The following RBM33 variants were observed in gnomAD, a reference collection of about 807,000 sequenced individuals.
RBM33 encodes RNA-binding protein 33.
Under a neutral mutation model 132.6 loss-of-function variants are expected in RBM33, and 28 were observed. The observed-to-expected ratio is 0.21, with a 90% confidence interval of 0.16 to 0.29. The LOEUF (loss-of-function observed/expected upper bound fraction) is 0.29. Ranked by LOEUF, RBM33 falls within the 10% of genes least tolerant of loss-of-function variation. RBM33 has a pLI of 1.00. For missense variants in RBM33, 1,291 were observed against 1,518.5 expected, an observed-to-expected ratio of 0.85 and a Z score of 2.49; for synonymous variants, 634 against 593.0, an observed-to-expected ratio of 1.07 and a Z score of -1.01.
intron 5 of RBM33, among the ~76,000 whole-genome samples, chr7:155,686,609 C>T (rs1799485516): frequency 6.6e-6 from 1 of 151,946 alleles, no homozygotes; most frequent in Non-Finnish European, 1.5e-5. Context: ...AGGTATATCT[C>T]CTAATGCTGT....
intron 14 of RBM33, among the ~76,000 whole-genome samples, chr7:155,755,774 G>C (rs529689748): frequency 1.3e-5 from 2 of 152,126 alleles, no homozygotes; most frequent in African/African-American, 4.8e-5. Context: ...GCATTTAAAC[G>C]ATTTGTTATA....
In RBM33 at chr7:155,711,231, C is replaced by T. The variant is rs376251372; in HGVS notation, c.977C>T (p.Pro326Leu). 36 of 1,588,550 alleles carry T rather than the reference C, an allele frequency of 2.3e-5. No individual in the cohort carries two copies. Among genetic ancestry groups the T allele is most frequent in the Non-Finnish European group, 2.8e-5 (33 of 1,166,966 alleles). ...VPQAPPPPPP[P>L]PQQQPIRSLF... ...CAGGCTCCCCCTCCACCGCCACCGC[C>T]GCCTCAGCAGCAGCCGATCAGAAGC... Residue 326 changes from proline (P) to leucine (L), a missense_variant, in exon 8 of 18, where the codon CCG becomes CTG. By Grantham distance (98) the Pro-to-Leu change is moderately conservative. Around this residue, in one of 7 missense-constraint regions of RBM33, gnomAD observed 146 missense variants for 137.1 expected, o/e 1.07. Transcript: ENST00000401878.
chr7:155,716,316 G>GTTTTTTTTTTTTGTTTTTTTT (rs1800461404), intron 8 of RBM33, among the ~76,000 whole-genome samples: 1 of 102,384 alleles, frequency 9.8e-6, no homozygotes. Flanking sequence ...CTTTTCTGCT[G>GTTTTTTTTTTTTGTTTTTTTT]TTTTTTTTTT....
intron 6 of RBM33, among the ~76,000 whole-genome samples, chr7:155,705,144 T>C (rs1209959912): frequency 2.0e-5 from 3 of 152,236 alleles, no homozygotes; most frequent in Admixed American, 6.5e-5. Flanking sequence ...AATCTGGACA[T>C]AGTTCAGAAA....
chr7:155,711,415 C>A lies in RBM33; in HGVS notation c.1161C>A (p.Ile387=), dbSNP rs371251777. 1 of 1,524,246 alleles carries A rather than the reference C, an allele frequency of 6.6e-7. No individual in the cohort carries two copies. The allele number at this position is 1,524,246 out of a possible 1,614,324, so 94.4% of individuals were successfully genotyped here. A position where few individuals can be genotyped will look rare whatever the true frequency, so the allele number is the denominator to read the frequency against. ...CACAGCAGCCCAAGAACATACACAT[C>A]AACCCGCACTTCAAAGGGACGGTGG... is the stretch of plus-strand genomic sequence containing the variant. ...VTPQQPKNIH[I]NPHFKGTVVT... Residue 387 remains isoleucine, a synonymous_variant, in exon 8 of 18, where the codon ATC becomes ATA. Coordinates refer to ENST00000401878, the MANE Select transcript of RBM33 (RefSeq NM_053043.3).
chr7:155,652,886 A>G (rs1315059820), intron 1 of RBM33, among the ~76,000 whole-genome samples: 1 of 152,150 alleles, frequency 6.6e-6, no homozygotes, highest in Non-Finnish European at 1.5e-5. Context: ...ATTCTAAAGG[A>G]AAACAGAGGG....
At chr7:155,674,066 G>A (rs897685721) in intron 3 of RBM33, among the ~76,000 whole-genome samples, 4 of 148,862 alleles carry the variant, frequency 2.7e-5, no homozygotes, top group African/African-American at 5.0e-5. Flanking sequence ...TCATTAGCCT[G>A]CAGGTCGCCT....
intron 2 of RBM33, among the ~76,000 whole-genome samples, chr7:155,669,321 T>G (rs1170728346): frequency 6.6e-6 from 1 of 152,214 alleles, no homozygotes; most frequent in Admixed American, 6.5e-5. Flanking sequence ...ATGTCTCATG[T>G]GTCCAGGCAA....
chr7:155,729,464 C>G (rs530692004), intron 9 of RBM33, among the ~76,000 whole-genome samples: 2 of 152,252 alleles, frequency 1.3e-5, no homozygotes, highest in South Asian at 4.1e-4. Context: ...TGGCCAGATG[C>G]AGTGACTCAC....
At chr7:155,697,555 A>G (rs907706985) in intron 5 of RBM33, among the ~76,000 whole-genome samples, 6 of 150,460 alleles carry the variant, frequency 4.0e-5, no homozygotes, top group Non-Finnish European at 5.9e-5. Context: ...TCTCTTTTGC[A>G]CTCTCTCTCT....
intron 4 of RBM33, among the ~76,000 whole-genome samples, chr7:155,680,044 T>C (rs1421163759): frequency 6.6e-6 from 1 of 152,238 alleles, no homozygotes; most frequent in East Asian, 1.9e-4. Flanking sequence ...CACTGAAATG[T>C]ATTTTCACAC....
chr7:155,733,415 G>C (rs1015345799), intron 9 of RBM33, among the ~76,000 whole-genome samples: 3 of 89,298 alleles, frequency 3.4e-5, no homozygotes, highest in African/African-American at 1.6e-4. Flanking sequence ...TCCCTGATGT[G>C]GTTGAGTGAA....
At chr7:155,671,215 A>G (rs1043926423) in intron 2 of RBM33, among the ~76,000 whole-genome samples, 4 of 152,230 alleles carry the variant, frequency 2.6e-5, no homozygotes, top group Admixed American at 6.5e-5. Context: ...CACTGAAGAT[A>G]CAAAAATTGT....
chr7:155,700,767 A>C lies in RBM33; in HGVS notation c.568-6A>C. 4 of 1,554,132 alleles carry C rather than the reference A, an allele frequency of 2.6e-6. No individual in the cohort carries two copies. Among genetic ancestry groups the C allele is most frequent in the Non-Finnish European group, 3.5e-6 (4 of 1,147,972 alleles). ...CCTTTTTTTGCCTTGTGTATCTGCA[A>C]TATAGGGAGGTATGGAAACATTGGA... On this transcript the variant is annotated splice_polypyrimidine_tract_variant and splice_region_variant and intron_variant, in intron 5 of 17. Transcript: ENST00000401878.
chr7:155,741,990 T>TCACCACCCTCGCGGGCCGTGG lies in RBM33; in HGVS notation c.2223_2243dup (p.Pro742_Ala748dup), dbSNP rs773620694. 8.7e-6 allele frequency: 14 copies of TCACCACCCTCGCGGGCCGTGG among 1,613,820 alleles called. No individual in the cohort carries two copies. The African/African-American group carries it at 1.7e-4, about 20-fold the overall frequency. ...ACAAGTGAAACCTATCGTCAGCGCG[T>TCACCACCCTCGCGGGCCGTGG]CACCACCCTCGCGGGCCGTGGCGGG... On this transcript the variant is annotated inframe_insertion, in exon 13 of 18. Transcript: ENST00000401878.
chr7:155,653,164 A>G (rs1248868909), intron 1 of RBM33, among the ~76,000 whole-genome samples: 1 of 152,098 alleles, frequency 6.6e-6, no homozygotes, highest in Non-Finnish European at 1.5e-5. Context: ...TAGGAGCTTG[A>G]GTATATTAAT....
intron 9 of RBM33, among the ~76,000 whole-genome samples, chr7:155,729,343 T>A (rs1472977354): frequency 6.6e-6 from 1 of 152,086 alleles, no homozygotes; most frequent in East Asian, 1.9e-4. Flanking sequence ...AGTTCTGGCC[T>A]CCCACCAGTG....
rs1194992935 is a variant in RBM33, at chr7:155,777,156, A to G, written c.*2115A>G. The G allele has an allele frequency of 6.6e-6, 1 of 152,470 alleles. No individual in the cohort carries two copies. Among genetic ancestry groups the G allele is most frequent in the Non-Finnish European group, 1.5e-5 (1 of 68,016 alleles). 9.4% of individuals were successfully genotyped at this position (152,470 alleles called of 1,614,324 possible). A position where few individuals can be genotyped will look rare whatever the true frequency, so the allele number is the denominator to read the frequency against. The stretch of plus-strand genomic sequence containing the variant: ...CATTGAAACAGACTTTTTTGTAGTC[A>G]GTGTTAATAAAACGGATCCTGTTTG... On this transcript the variant is annotated 3_prime_UTR_variant, in exon 18 of 18. Transcript: ENST00000401878.
intron 14 of RBM33, among the ~76,000 whole-genome samples, chr7:155,757,994 A>G (rs889710915): frequency 6.6e-6 from 1 of 152,148 alleles, no homozygotes. Flanking sequence ...CATCCGCCCC[A>G]TGATCCAAAC....
Sources: allele counts gnomAD v4.1 joint callset (sites outside exome capture counted in the v4.1 genomes callset), GRCh38; gene constraint gnomAD v4.1.1; regional missense constraint gnomAD v4.1.1; transcripts MANE v1.5; gene names NCBI Gene and HGNC (gene_info 2026-07-23, HGNC 2026-07-21).